The following TXNRD2 variants were observed in gnomAD, a reference collection of about 807,000 sequenced individuals.
TXNRD2 encodes thioredoxin reductase 2, mitochondrial.
Under a neutral mutation model 70.8 loss-of-function variants are expected in TXNRD2, and 67 were observed. The ratio of observed to expected loss-of-function variants is 0.95; its 90% CI spans 0.78 to 1.16. The LOEUF is 1.16. Among genes scored for constraint, TXNRD2 ranks in the 50% most tolerant of loss-of-function variants. TXNRD2 has a pLI of 0.00. For missense variants in TXNRD2, 644 were observed against 719.9 expected, an observed-to-expected ratio of 0.89 and a Z score of 1.21; for synonymous variants, 301 against 295.8, an observed-to-expected ratio of 1.02 and a Z score of -0.18.
At chr22:19,895,864 G>C (rs772253020) in intron 10 of TXNRD2, among the ~76,000 whole-genome samples, 1 of 152,318 alleles carries the variant, frequency 6.6e-6, no homozygotes, top group South Asian at 2.1e-4. Context: ...AGCCAGATAC[G>C]GTCACACCTG....
chr22:19,919,674 T>C, intron 2 of TXNRD2, 75 bp from the exon 3 acceptor site: 2 of 1,320,130 alleles, frequency 1.5e-6, no homozygotes, highest in Non-Finnish European at 2.1e-6. Flanking sequence ...TCCTCAGGGC[T>C]TGTGAGGTCC....
At chr22:19,936,248 AC>A (rs1276526280) in intron 1 of TXNRD2, among the ~76,000 whole-genome samples, 1 of 151,690 alleles carries the variant, frequency 6.6e-6, no homozygotes. Context: ...GAATCTGGCC[AC>A]CCTCTACCTC....
chr22:19,891,517 T>G (rs1939261937), intron 11 of TXNRD2: 1 of 152,322 alleles, frequency 6.6e-6, no homozygotes, highest in Non-Finnish European at 1.5e-5. Flanking sequence ...GTCCCTTCTT[T>G]AAAACCAAAT....
Position 19,941,774 on chromosome 22 carries a change from TC to T in TXNRD2, c.29del (p.Gly10AspfsTer2). MAAMAVALRGLGGRFRWRTQ... is the reference protein window; with the variant it reads MAAMAVALRXLGGRFRWRTQ... ...TCCGCCACCGGAAGCGCCCTCCTAA[TC>T]CCCGCAGCGCCACCGCCATTGCCGC... is the stretch of plus-strand genomic sequence containing the variant. On this transcript the variant is annotated frameshift_variant, in exon 1 of 18. Coordinates refer to ENST00000400521, the MANE Select transcript of TXNRD2 (RefSeq NM_006440.5). LOFTEE classifies it high-confidence loss of function. 1 of 1,504,678 alleles carries T rather than the reference TC, an allele frequency of 6.6e-7. No homozygotes were observed. The highest frequency in any genetic ancestry group is 8.8e-7 in the Non-Finnish European group (1 of 1,134,960). The allele number at this position is 1,504,678 out of a possible 1,614,324, so 93.2% of individuals were successfully genotyped here. A position where few individuals can be genotyped will look rare whatever the true frequency, so the allele number is the denominator to read the frequency against.
intron 14 of TXNRD2, among the ~76,000 whole-genome samples, chr22:19,878,712 A>C (rs1265507169): frequency 6.6e-6 from 1 of 152,226 alleles, no homozygotes; most frequent in Non-Finnish European, 1.5e-5. Context: ...ACAGCAGCAG[A>C]GCAGGCATCA....
chr22:19,906,894 T>A, intron 8 of TXNRD2, among the ~76,000 whole-genome samples: 1 of 116,226 alleles, frequency 8.6e-6, no homozygotes. Context: ...CTCAGGAGGG[T>A]GTGGGCGCCG....
intron 1 of TXNRD2, among the ~76,000 whole-genome samples, chr22:19,941,268 G>T (rs1404664458): frequency 6.6e-6 from 1 of 152,172 alleles, no homozygotes; most frequent in Non-Finnish European, 1.5e-5. Context: ...TTCTTCAGGG[G>T]CTCCAGGAGG....
At chr22:19,893,456 C>T (rs1330690162) in intron 11 of TXNRD2, among the ~76,000 whole-genome samples, 2 of 152,230 alleles carry the variant, frequency 1.3e-5, no homozygotes, top group South Asian at 2.1e-4. Context: ...CCCACCCTGA[C>T]GAGGACCCGC....
intron 12 of TXNRD2, 113 bp from the exon 13 acceptor site, chr22:19,880,830 C>G (rs895126658): frequency 1.4e-6 from 1 of 717,126 alleles, no homozygotes; most frequent in Non-Finnish European, 2.4e-6. Context: ...AAATCCCCAA[C>G]ACTGGCACCG....
chr22:19,895,153 T>A, intron 11 of TXNRD2: 1 of 1,598,476 alleles, frequency 6.3e-7, no homozygotes, highest in South Asian at 1.1e-5. Context: ...CTCTGGTTTT[T>A]TCCAGCATGT....
chr22:19,889,139 G>A (rs984883159), intron 11 of TXNRD2, among the ~76,000 whole-genome samples: 1 of 152,208 alleles, frequency 6.6e-6, no homozygotes, highest in East Asian at 1.9e-4. Flanking sequence ...GGCTCCTTGG[G>A]GGGTGGGGGT....
rs1941732412 is a variant in TXNRD2 at position 19,941,815 on chromosome 22, T to G, written c.-12A>C. 2.0e-6 allele frequency: 3 copies of G among 1,529,596 alleles called. No individual in the cohort carries two copies. Among genetic ancestry groups the G allele is most frequent in the Non-Finnish European group, 2.6e-6 (3 of 1,149,164 alleles). 94.8% of individuals were successfully genotyped at this position (1,529,596 alleles called of 1,614,324 possible). ...GCCATTGCCGCCATCGTCGTGGGGC[T>G]TCTGGGGCAGCTAGGGCTGCCCGCC... On this transcript the variant is annotated 5_prime_UTR_variant, in exon 1 of 18. Transcript: ENST00000400521.
At position 19,910,030 on chromosome 22, in the gene TXNRD2, G is replaced by A. The variant is rs545467033; in HGVS notation, c.662+1347C>T. Among the ~76,000 whole-genome samples the A allele has an allele frequency of 4.3e-5, 6 of 140,936 alleles. No individual in the cohort carries two copies. In the South Asian group the frequency reaches 6.9e-4, roughly 16 times the overall value. The allele number at this position is 140,936 out of a possible 152,430, so 92.5% of individuals were successfully genotyped here. A position where few individuals can be genotyped will look rare whatever the true frequency, so the allele number is the denominator to read the frequency against. On this transcript the variant is annotated intron_variant, in intron 8 of 17. Coordinates refer to ENST00000400521, the MANE Select transcript of TXNRD2 (RefSeq NM_006440.5). Reference sequence around the variant, plus strand: ...ATCTGCACGCACACCATGCACATTCGGGCACACACAGAAGTGGGACCCTTT... The same window carrying A: ...ATCTGCACGCACACCATGCACATTCAGGCACACACAGAAGTGGGACCCTTT...
chr22:19,934,738 A>C (rs943827685), intron 1 of TXNRD2, among the ~76,000 whole-genome samples: 1 of 151,688 alleles, frequency 6.6e-6, no homozygotes, highest in Non-Finnish European at 1.5e-5. Flanking sequence ...AATTTTTTGT[A>C]CTTTCAGGAG....
At chr22:19,878,027 T>C (rs1938586031) in intron 16 of TXNRD2, 63 bp downstream of exon 16, 13 of 1,394,488 alleles carry the variant, frequency 9.3e-6, no homozygotes, top group Non-Finnish European at 1.3e-5. Flanking sequence ...ACTGTAGGAC[T>C]GCCGGCACTC....
intron 16 of TXNRD2, 141 bp from the exon 17 acceptor site, chr22:19,877,375 C>T (rs775463425): frequency 1.6e-4 from 119 of 745,332 alleles, no homozygotes; most frequent in Non-Finnish European, 2.4e-4. Context: ...GCCAGGACCC[C>T]TGCCCACACC....
chr22:19,932,214 GCTGGCCAGTGCA>G, intron 1 of TXNRD2: 1 of 1,394,116 alleles, frequency 7.2e-7, no homozygotes, highest in South Asian at 1.2e-5. Context: ...GTCCCTCACA[GCTGGCCAGTGCA>G]CACAGCCAGG....
At chr22:19,930,159 A>G (rs751276368) in intron 2 of TXNRD2, among the ~76,000 whole-genome samples, 1 of 152,168 alleles carries the variant, frequency 6.6e-6, no homozygotes, top group Non-Finnish European at 1.5e-5. Flanking sequence ...CCAGGTTCCT[A>G]CACACTCCCC....
intron 11 of TXNRD2, among the ~76,000 whole-genome samples, chr22:19,892,669 A>G (rs1430168460): frequency 6.6e-6 from 1 of 152,156 alleles, no homozygotes; most frequent in Non-Finnish European, 1.5e-5. Flanking sequence ...CCTCGGTTCA[A>G]TGGCAACAGC....
Sources: allele counts gnomAD v4.1 joint callset (sites outside exome capture counted in the v4.1 genomes callset), GRCh38; gene constraint gnomAD v4.1.1; transcripts MANE v1.5; gene names NCBI Gene and HGNC (gene_info 2026-07-23, HGNC 2026-07-21).